The following PHIP variants were observed in gnomAD, a reference collection of about 807,000 sequenced individuals.
The protein encoded by PHIP is PHIP subunit of CUL4-Ring ligase complex, also known as PH-interacting protein.
In PHIP, 54 loss-of-function variants were observed where a neutral mutation model predicts 236.8. The ratio of observed to expected loss-of-function variants is 0.23; its 90% CI spans 0.18 to 0.29. The LOEUF (loss-of-function observed/expected upper bound fraction) is 0.29. Ranked by LOEUF, PHIP falls within the 10% of genes least tolerant of loss-of-function variation. The pLI is 1.00. For synonymous variants in PHIP, 756 were observed against 718.9 expected (o/e 1.05, Z -0.83); for missense variants, 1,370 against 2,190.8 (o/e 0.63, Z 7.48).
intron 32 of PHIP, chr6:78,957,059 A>G (rs1411873103): frequency 6.6e-6 from 1 of 152,108 alleles, no homozygotes; most frequent in Non-Finnish European, 1.5e-5. Flanking sequence ...CAAACTATAC[A>G]CATCTAAAAA....
intron 4 of PHIP, among the ~76,000 whole-genome samples, chr6:79,063,696 T>C (rs967171189): frequency 2.6e-4 from 39 of 152,330 alleles, no homozygotes; most frequent in African/African-American, 9.1e-4. Flanking sequence ...ATTACAGGCA[T>C]GAGCCACAGC....
At chr6:79,037,750 C>G (rs1772012641) in intron 7 of PHIP, among the ~76,000 whole-genome samples, 2 of 152,202 alleles carry the variant, frequency 1.3e-5, no homozygotes, top group African/African-American at 4.8e-5. Flanking sequence ...TTTCCCCTAA[C>G]AGATGCTAAG....
chr6:78,946,779 T>C lies in PHIP; in HGVS notation c.4302A>G (p.Arg1434=). The C allele has an allele frequency of 6.3e-7, 1 of 1,593,360 alleles. No individual in the cohort carries two copies. The highest frequency in any genetic ancestry group is 8.5e-7 in the Non-Finnish European group (1 of 1,171,798). The stretch of plus-strand genomic sequence containing the variant: ...TCTTCCTCCTTTTGGTTATGGTATT[T>C]CTTTTATGAAAACGAAGAGCAGATT... ...DYKSALRFHK[R]NTITKRRKKR... Residue 1434 remains arginine, a synonymous_variant, in exon 37 of 40, where the codon AGA becomes AGG. Coordinates refer to ENST00000275034, the MANE Select transcript of PHIP (RefSeq NM_017934.7).
intron 15 of PHIP, among the ~76,000 whole-genome samples, chr6:79,007,654 CTTTTTTTTTTTT>C (rs35415106): frequency 1.7e-5 from 2 of 116,688 alleles, no homozygotes; most frequent in African/African-American, 6.7e-5. Flanking sequence ...ATGTCTTGTT[CTTTTTTTTTTTT>C]TTTTTTTTTT....
intron 7 of PHIP, among the ~76,000 whole-genome samples, chr6:79,032,786 G>A (rs1367559817): frequency 2.6e-5 from 4 of 151,412 alleles, no homozygotes; most frequent in Non-Finnish European, 2.9e-5. Flanking sequence ...CTAGAATGGC[G>A]ATAATAATCG....
chr6:78,966,204 C>T (rs1204386230), intron 27 of PHIP, 148 bp from the exon 28 acceptor site: 1 of 582,090 alleles, frequency 1.7e-6, no homozygotes, highest in Non-Finnish European at 3.1e-6. Context: ...TAAGTAAGTA[C>T]AATCAGCAAT....
At chr6:79,065,015 C>G (rs990765098) in intron 4 of PHIP, among the ~76,000 whole-genome samples, 1 of 152,152 alleles carries the variant, frequency 6.6e-6, no homozygotes, top group Non-Finnish European at 1.5e-5. Context: ...AGCCAGAAAC[C>G]AAGGAGCTGC....
intron 29 of PHIP, among the ~76,000 whole-genome samples, chr6:78,964,370 T>C (rs1766990672): frequency 6.6e-6 from 1 of 152,216 alleles, no homozygotes; most frequent in South Asian, 2.1e-4. Flanking sequence ...TCTCTGACTT[T>C]GGATTACAAT....
chr6:79,015,262 A>G lies in PHIP; in HGVS notation c.1390-46T>C, dbSNP rs1427601661. Reference sequence around the variant, plus strand: ...CAAAGAATCATAGATATTAAAAAAGAAAGAAAAACAAACATAATGAAATAC... The same window carrying G: ...CAAAGAATCATAGATATTAAAAAAGGAAGAAAAACAAACATAATGAAATAC... On this transcript the variant is annotated intron_variant, in intron 14 of 39. Coordinates refer to ENST00000275034, the MANE Select transcript of PHIP (RefSeq NM_017934.7). 8.3e-6 allele frequency: 12 copies of G among 1,450,392 alleles called. No individual in the cohort carries two copies. The Admixed American group carries it at 2.1e-4, about 26-fold the overall frequency. The allele number at this position is 1,450,392 out of a possible 1,614,324, so 89.8% of individuals were successfully genotyped here. A position where few individuals can be genotyped will look rare whatever the true frequency, so the allele number is the denominator to read the frequency against.
chr6:78,945,302 T>C lies in PHIP; in HGVS notation c.4826A>G (p.Gln1609Arg). 6.2e-7 allele frequency: 1 copy of C among 1,600,696 alleles called. No homozygotes were observed. The highest frequency in any genetic ancestry group is 2.2e-5 in the East Asian group (1 of 44,802). The change falls in exon 39 of 40, where the codon CAA (glutamine) becomes CGA (arginine). Residue 1609 changes from glutamine to arginine, a missense_variant and splice_region_variant. Gln to Arg is a conservative substitution (Grantham distance 43). This residue lies in a region of PHIP where 309 missense variants were observed against 328.3 expected (regional missense o/e 0.94). Coordinates refer to ENST00000275034, the MANE Select transcript of PHIP (RefSeq NM_017934.7). ...GAAAGATACAAGTAATACCTTACCT[T>C]GCTCAATGACAGCTGATGACTTTGA... is the stretch of plus-strand genomic sequence containing the variant. ...TLSKSSAVIE[Q>R]GDCKNNALVP... is the part of the protein sequence containing the mutation.
chr6:79,077,319 C>T, intron 4 of PHIP, 129 bp downstream of exon 4: 1 of 904,530 alleles, frequency 1.1e-6, no homozygotes, highest in South Asian at 1.3e-5. Flanking sequence ...GGCCTCCCAA[C>T]CCTCCCCATG....
chr6:79,060,390 C>T (rs1773314312), intron 6 of PHIP, 88 bp downstream of exon 6: 2 of 816,352 alleles, frequency 2.4e-6, no homozygotes, highest in African/African-American at 3.5e-5. Flanking sequence ...ATGAAGTTCT[C>T]TAATACCACA....
At position 78,936,472 on chromosome 6, in the gene PHIP, C is replaced by T. The variant is rs1238897515; in HGVS notation, c.*4221G>A. 6.6e-6 allele frequency: 1 copy of T among 151,790 alleles called. No homozygotes were observed. Among genetic ancestry groups the T allele is most frequent in the African/African-American group, 2.4e-5 (1 of 41,402 alleles). 9.4% of individuals were successfully genotyped at this position (151,790 alleles called of 1,614,324 possible). ...TCAACACACACAATCTTAAAGTAAC[C>T]AGCATGTGTGCATCTGCCTTATATG... On this transcript the variant is annotated 3_prime_UTR_variant, in exon 40 of 40. Coordinates refer to ENST00000275034, the MANE Select transcript of PHIP (RefSeq NM_017934.7).
At chr6:78,943,580 G>A (rs1420934078) in intron 39 of PHIP, among the ~76,000 whole-genome samples, 2 of 152,140 alleles carry the variant, frequency 1.3e-5, no homozygotes, top group East Asian at 3.8e-4. Context: ...TTAAAAATGA[G>A]TAAACACATT....
intron 39 of PHIP, among the ~76,000 whole-genome samples, chr6:78,942,802 T>C (rs974560488): frequency 1.3e-5 from 2 of 152,222 alleles, no homozygotes; most frequent in Non-Finnish European, 2.9e-5. Flanking sequence ...TCCCTTGTAA[T>C]GGTCCCAAAT....
chr6:79,074,178 T>C (rs1355201902), intron 4 of PHIP, among the ~76,000 whole-genome samples: 2 of 152,070 alleles, frequency 1.3e-5, no homozygotes, highest in African/African-American at 4.8e-5. Flanking sequence ...AGTGGAATAA[T>C]TTTAAGAAAG....
chr6:78,959,486 A>G (rs1297601965), intron 31 of PHIP, among the ~76,000 whole-genome samples: 16 of 152,142 alleles, frequency 1.1e-4, no homozygotes, highest in Admixed American at 1.0e-3. Context: ...GCAAACTGAC[A>G]GTAATAGTTT....
chr6:79,076,193 A>G, intron 4 of PHIP, among the ~76,000 whole-genome samples: 1 of 152,224 alleles, frequency 6.6e-6, no homozygotes, highest in East Asian at 1.9e-4. Flanking sequence ...TTTATACACA[A>G]AAGTTAGGAA....
intron 6 of PHIP, among the ~76,000 whole-genome samples, chr6:79,052,101 T>C (rs888533120): frequency 2.6e-5 from 4 of 152,140 alleles, no homozygotes; most frequent in Non-Finnish European, 4.4e-5. Context: ...CTTACAACAA[T>C]GTTAAGTGTT....
Sources: allele counts gnomAD v4.1 joint callset (sites outside exome capture counted in the v4.1 genomes callset), GRCh38; gene constraint gnomAD v4.1.1; regional missense constraint gnomAD v4.1.1; transcripts MANE v1.5; gene names NCBI Gene and HGNC (gene_info 2026-07-23, HGNC 2026-07-21).